Variants in GRM8 observed in about 807,000 individuals in gnomAD.
The protein encoded by GRM8 is metabotropic glutamate receptor 8.
A neutral mutation model predicts 87.2 loss-of-function variants in GRM8; 47 were observed. The ratio of observed to expected loss-of-function variants is 0.54; its 90% CI spans 0.43 to 0.69. The LOEUF (loss-of-function observed/expected upper bound fraction) is 0.69, where lower values mean the gene tolerates loss of function less well. Ranked by LOEUF, GRM8 falls within the 30% of genes least tolerant of loss-of-function variation. The probability of loss-of-function intolerance (pLI) is 0.00; values close to 1 mark genes in which losing one functional copy is unlikely to be tolerated. For synonymous variants in GRM8, 396 were observed against 404.5 expected (o/e 0.98, Z 0.25); for missense variants, 1,019 against 1,139.2 (o/e 0.89, Z 1.52).
intron 3 of GRM8, among the ~76,000 whole-genome samples, chr7:126,976,261 G>A (rs1586649165): frequency 6.6e-6 from 1 of 152,074 alleles, no homozygotes; most frequent in Non-Finnish European, 1.5e-5. Flanking sequence ...TTAAAACTAC[G>A]ATGTTCTTAA....
intron 6 of GRM8, among the ~76,000 whole-genome samples, chr7:126,785,511 C>A (rs144508878): frequency 2.0e-3 from 304 of 152,178 alleles, no homozygotes; most frequent in African/African-American, 7.2e-3. Context: ...ATTTTTCCAG[C>A]CTCCTTTGCA....
chr7:126,554,417 A>AAATAATAATAATAAT (rs34731773), intron 8 of GRM8, among the ~76,000 whole-genome samples: 2 of 147,148 alleles, frequency 1.4e-5, no homozygotes, highest in African/African-American at 5.1e-5. Context: ...CAATTTCTAC[A>AAATAATAATAATAAT]AATAATAATA....
intron 7 of GRM8, among the ~76,000 whole-genome samples, chr7:126,612,284 C>T (rs186616370): frequency 6.6e-6 from 1 of 152,248 alleles, no homozygotes; most frequent in Admixed American, 6.5e-5. Flanking sequence ...CCTGATGTCA[C>T]TCTCACTAAT....
intron 8 of GRM8, among the ~76,000 whole-genome samples, chr7:126,564,305 G>A (rs914558400): frequency 1.3e-5 from 2 of 152,298 alleles, no homozygotes; most frequent in Middle Eastern, 3.4e-3. Flanking sequence ...TCAACTCAAG[G>A]AAGCAAAGCA....
At chr7:127,005,737 C>T (rs1814221372) in intron 3 of GRM8, among the ~76,000 whole-genome samples, 1 of 151,882 alleles carries the variant, frequency 6.6e-6, no homozygotes, top group Admixed American at 6.6e-5. Flanking sequence ...CCTGTGTTCA[C>T]CTAACAAACT....
At chr7:126,957,231 A>C (rs999791132) in intron 3 of GRM8, among the ~76,000 whole-genome samples, 1 of 152,208 alleles carries the variant, frequency 6.6e-6, no homozygotes, top group African/African-American at 2.4e-5. Context: ...TAACTGAAAA[A>C]AAAGTCAAAA....
chr7:127,127,264 C>T (rs1317380616), intron 2 of GRM8, among the ~76,000 whole-genome samples: 1 of 151,894 alleles, frequency 6.6e-6, no homozygotes, highest in African/African-American at 2.4e-5. Flanking sequence ...CCACATAATC[C>T]AGCAATTCTA....
At chr7:127,205,052 T>A (rs1795823694) in intron 2 of GRM8, among the ~76,000 whole-genome samples, 1 of 152,196 alleles carries the variant, frequency 6.6e-6, no homozygotes, top group African/African-American at 2.4e-5. Flanking sequence ...ATTTGTTGGT[T>A]TGCGGAAAGA....
intron 3 of GRM8, among the ~76,000 whole-genome samples, chr7:127,039,477 G>A (rs1818148863): frequency 6.6e-6 from 1 of 151,938 alleles, no homozygotes; most frequent in Admixed American, 6.6e-5. Context: ...TTAAGCCACT[G>A]AGTCTGTGGT....
chr7:126,487,284 T>G lies in GRM8; in HGVS notation c.2431-40912A>C, dbSNP rs10254388. On this transcript the variant is annotated intron_variant, in intron 9 of 10. Transcript: ENST00000339582. ...CCCCGCTTCAGACACGCAATATGGTTGAAAAATTGAGACGTATTTTAATTT... is the reference window on the plus strand; with the variant it reads ...CCCCGCTTCAGACACGCAATATGGTGGAAAAATTGAGACGTATTTTAATTT... Among the ~76,000 whole-genome samples, 859 of 152,038 alleles carry G rather than the reference T, an allele frequency of 5.6e-3. 7 individuals are homozygous for G. Among genetic ancestry groups the G allele is most frequent in the African/African-American group, 0.02 (812 of 41,516 alleles).
chr7:126,493,777 T>G (rs752166294), intron 9 of GRM8, among the ~76,000 whole-genome samples: 48 of 152,150 alleles, frequency 3.2e-4, no homozygotes, highest in Middle Eastern at 6.8e-3. Flanking sequence ...CAACTCTATA[T>G]GCAGTTCTCC....
intron 7 of GRM8, among the ~76,000 whole-genome samples, chr7:126,737,279 CT>C (rs1483861531): frequency 6.6e-6 from 1 of 151,994 alleles, no homozygotes; most frequent in Non-Finnish European, 1.5e-5. Flanking sequence ...GCTGGTTCAT[CT>C]GATCTTGTGA....
At chr7:127,251,659 A>C (rs1382757029) in intron 1 of GRM8, among the ~76,000 whole-genome samples, 2 of 151,130 alleles carry the variant, frequency 1.3e-5, no homozygotes, top group Non-Finnish European at 3.0e-5. Context: ...CGCGCTGGGG[A>C]TGCAGCCTCC....
At chr7:127,129,018 A>G (rs1354625574) in intron 2 of GRM8, among the ~76,000 whole-genome samples, 1 of 152,196 alleles carries the variant, frequency 6.6e-6, no homozygotes, top group African/African-American at 2.4e-5. Flanking sequence ...TATTAATCAT[A>G]TGACTTCATA....
intron 2 of GRM8, among the ~76,000 whole-genome samples, chr7:127,198,819 C>G (rs554652090): frequency 3.3e-5 from 5 of 150,152 alleles, no homozygotes; most frequent in African/African-American, 1.2e-4. Flanking sequence ...AGATTACAGG[C>G]AAGCACCACC....
chr7:127,019,184 G>A (rs1816005705), intron 3 of GRM8, among the ~76,000 whole-genome samples: 1 of 152,092 alleles, frequency 6.6e-6, no homozygotes, highest in African/African-American at 2.4e-5. Flanking sequence ...CAATGAATGT[G>A]TTACCTTATT....
intron 6 of GRM8, among the ~76,000 whole-genome samples, chr7:126,890,360 T>C (rs1254839963): frequency 6.6e-6 from 1 of 152,132 alleles, no homozygotes; most frequent in Non-Finnish European, 1.5e-5. Context: ...ATTATTTTAA[T>C]GTATTAGTCT....
chr7:126,475,967 T>A (rs1013755654), intron 9 of GRM8, among the ~76,000 whole-genome samples: 3 of 152,094 alleles, frequency 2.0e-5, no homozygotes, highest in Non-Finnish European at 4.4e-5. Flanking sequence ...TAACTCAAAG[T>A]GAATGCATTA....
At chr7:127,047,420 A>C (rs1819039527) in intron 3 of GRM8, among the ~76,000 whole-genome samples, 1 of 151,866 alleles carries the variant, frequency 6.6e-6, no homozygotes, top group African/African-American at 2.4e-5. Context: ...AACTTCTCCT[A>C]ATCTCTGTTC....
Sources: gnomAD v4.1 joint callset for allele counts (sites outside exome capture counted in the v4.1 genomes callset) on GRCh38, gnomAD v4.1.1 for gene constraint, MANE v1.5 for transcripts, NCBI Gene and HGNC (gene_info 2026-07-23, HGNC 2026-07-21) for gene names.